The following CHRM3 variants were observed in gnomAD, a reference collection of about 807,000 sequenced individuals.
The protein encoded by CHRM3 is muscarinic acetylcholine receptor M3.
A neutral mutation model predicts 41.8 loss-of-function variants in CHRM3; 11 were observed. The ratio of observed to expected loss-of-function variants is 0.26; its 90% CI spans 0.17 to 0.44. CHRM3 has a LOEUF of 0.44. CHRM3 is among the 20% of genes least tolerant of loss of function. The probability of loss-of-function intolerance (pLI) is 1.00; values close to 1 mark genes in which losing one functional copy is unlikely to be tolerated. For synonymous variants in CHRM3, 297 were observed against 301.4 expected (o/e 0.99, Z 0.15); for missense variants, 571 against 745.4 (o/e 0.77, Z 2.72).
At chr1:239,768,607 T>TAAA (rs1667410522) in intron 5 of CHRM3, among the ~76,000 whole-genome samples, 1 of 152,216 alleles carries the variant, frequency 6.6e-6, no homozygotes, top group East Asian at 1.9e-4. Context: ...TCTCCTTTTT[T>TAAA]CCTTCATCTG....
chr1:239,878,906 T>G (rs549580788), intron 6 of CHRM3, among the ~76,000 whole-genome samples: 24 of 152,254 alleles, frequency 1.6e-4, no homozygotes, highest in African/African-American at 5.3e-4. Context: ...AGCATCTCGC[T>G]GGGGTTGACC....
intron 1 of CHRM3, among the ~76,000 whole-genome samples, chr1:239,482,873 A>G (rs1304898403): frequency 6.6e-6 from 1 of 152,344 alleles, no homozygotes; most frequent in South Asian, 2.1e-4. Flanking sequence ...CTTTGTTTAT[A>G]TGAAACTAAA....
chr1:239,670,761 C>T (rs1674278867), intron 4 of CHRM3, among the ~76,000 whole-genome samples: 1 of 111,212 alleles, frequency 9.0e-6, no homozygotes, highest in African/African-American at 3.6e-5. Flanking sequence ...CTCCCAACCT[C>T]AGGTGATCTA....
intron 5 of CHRM3, among the ~76,000 whole-genome samples, chr1:239,774,358 T>C (rs1667927965): frequency 1.3e-5 from 2 of 152,134 alleles, no homozygotes; most frequent in African/African-American, 4.8e-5. Flanking sequence ...AATGTGCTTA[T>C]TTAGAGAGGG....
intron 6 of CHRM3, among the ~76,000 whole-genome samples, chr1:239,877,709 T>TC (rs977564379): frequency 1.3e-5 from 2 of 151,788 alleles, no homozygotes; most frequent in African/African-American, 4.9e-5. Flanking sequence ...ATGCTTCTTC[T>TC]CATGAGGGGA....
In CHRM3 at chr1:239,618,958, A is replaced by G. The variant is rs1209959536; in HGVS notation, c.-312-13266A>G. On this transcript the variant is annotated intron_variant, in intron 3 of 6. Coordinates refer to ENST00000676153, the MANE Select transcript of CHRM3 (RefSeq NM_001375978.1). ...GAGATGGAATCTCACTCTGTCGCCC[A>G]GGCTGGAGTGCAGTGGCGGGATCTT... is the stretch of plus-strand genomic sequence containing the variant. Among the ~76,000 whole-genome samples the G allele has an allele frequency of 4.7e-5, 7 of 149,466 alleles. No individual in the cohort carries two copies. The East Asian group carries it at 1.4e-3, about 30-fold the overall frequency.
At chr1:239,558,333 T>G (rs551905123) in intron 3 of CHRM3, among the ~76,000 whole-genome samples, 2 of 152,368 alleles carry the variant, frequency 1.3e-5, no homozygotes, top group South Asian at 4.1e-4. Context: ...GGATTGCTTT[T>G]TGTAAGTTTG....
At chr1:239,588,032 A>G (rs1027445632) in intron 3 of CHRM3, among the ~76,000 whole-genome samples, 2 of 152,246 alleles carry the variant, frequency 1.3e-5, no homozygotes, top group Admixed American at 1.3e-4. Flanking sequence ...TGAGCTACAC[A>G]TCGCTCTGCT....
intron 5 of CHRM3, among the ~76,000 whole-genome samples, chr1:239,682,257 G>A (rs531824619): frequency 6.6e-6 from 1 of 152,278 alleles, no homozygotes; most frequent in East Asian, 1.9e-4. Flanking sequence ...GAATAGAGCT[G>A]TAATGAGGTC....
intron 5 of CHRM3, among the ~76,000 whole-genome samples, chr1:239,717,626 G>A (rs967274671): frequency 1.1e-4 from 17 of 151,938 alleles, no homozygotes; most frequent in African/African-American, 3.4e-4. Flanking sequence ...CAGGAATTTG[G>A]GATTCAAGGG....
chr1:239,872,956 A>G (rs1676719113), intron 6 of CHRM3, among the ~76,000 whole-genome samples: 1 of 152,066 alleles, frequency 6.6e-6, no homozygotes, highest in African/African-American at 2.4e-5. Flanking sequence ...TTTCTTCCTA[A>G]ATTGCATGCA....
At chr1:239,562,355 G>A (rs190616842) in intron 3 of CHRM3, among the ~76,000 whole-genome samples, 177 of 152,094 alleles carry the variant, frequency 1.2e-3, no homozygotes, top group African/African-American at 4.0e-3. Context: ...TTCAGATAAA[G>A]AGCTGGCTTC....
At chr1:239,653,217 C>T (rs1339930442) in intron 4 of CHRM3, among the ~76,000 whole-genome samples, 1 of 152,032 alleles carries the variant, frequency 6.6e-6, no homozygotes, top group Non-Finnish European at 1.5e-5. Context: ...GGAGGCATCA[C>T]GAGTAAGGGG....
intron 1 of CHRM3, among the ~76,000 whole-genome samples, chr1:239,464,908 AG>A (rs1665613140): frequency 6.6e-6 from 1 of 152,258 alleles, no homozygotes; most frequent in African/African-American, 2.4e-5. Flanking sequence ...CTAAAAGAAG[AG>A]GTGTAATTAA....
chr1:239,844,121 A>G (rs1674070383), intron 6 of CHRM3, among the ~76,000 whole-genome samples: 1 of 152,174 alleles, frequency 6.6e-6, no homozygotes, highest in Admixed American at 6.5e-5. Context: ...TCAAGCACAC[A>G]CTAAATTGTT....
At chr1:239,521,517 G>A (rs569526331) in intron 2 of CHRM3, among the ~76,000 whole-genome samples, 1 of 152,266 alleles carries the variant, frequency 6.6e-6, no homozygotes, top group Non-Finnish European at 1.5e-5. Flanking sequence ...TCATTACAAT[G>A]AATATAAATA....
intron 5 of CHRM3, among the ~76,000 whole-genome samples, chr1:239,820,123 G>C (rs981885931): frequency 6.6e-6 from 1 of 152,136 alleles, no homozygotes; most frequent in Non-Finnish European, 1.5e-5. Flanking sequence ...CAGAAGGTTC[G>C]CTGAAAAATC....
chr1:239,795,584 A>C (rs1015355099), intron 5 of CHRM3, among the ~76,000 whole-genome samples: 3 of 152,196 alleles, frequency 2.0e-5, no homozygotes, highest in African/African-American at 7.2e-5. Context: ...ACAGACAAGA[A>C]CAACTCCCCA....
intron 3 of CHRM3, among the ~76,000 whole-genome samples, chr1:239,612,897 A>G (rs1485912736): frequency 1.3e-5 from 2 of 152,052 alleles, no homozygotes; most frequent in African/African-American, 4.8e-5. Flanking sequence ...AGCTCCTTAA[A>G]TTTTTCAGAC....
Sources: gnomAD v4.1 joint callset for allele counts (sites outside exome capture counted in the v4.1 genomes callset) on GRCh38, gnomAD v4.1.1 for gene constraint, MANE v1.5 for transcripts, NCBI Gene and HGNC (gene_info 2026-07-23, HGNC 2026-07-21) for gene names.